Variants in COG4 observed in about 807,000 individuals in gnomAD.
COG4 encodes conserved oligomeric Golgi complex subunit 4.
In COG4, 65 loss-of-function variants were observed where a neutral mutation model predicts 95.1. The observed-to-expected ratio is 0.68, with a 90% CI of 0.56 to 0.84. The LOEUF is 0.84. Among genes scored for constraint, COG4 ranks in the 40% least tolerant of loss-of-function variants. COG4 has a pLI of 0.00. For synonymous variants in COG4, 421 were observed against 374.8 expected, an observed-to-expected ratio of 1.12 and a Z score of -1.42; for missense variants, 1,045 against 989.1, an observed-to-expected ratio of 1.06 and a Z score of -0.76.
At chr16:70,514,231 A>G (rs1244855790) in intron 4 of COG4, 104 bp downstream of exon 4, 12 of 1,139,382 alleles carry the variant, frequency 1.1e-5, no homozygotes, top group South Asian at 9.5e-5. Flanking sequence ...AAAAGAAAAA[A>G]GAAAACTTCC....
At chr16:70,518,633 C>T (rs911579100) in intron 2 of COG4, among the ~76,000 whole-genome samples, 4 of 152,090 alleles carry the variant, frequency 2.6e-5, no homozygotes, top group Admixed American at 6.6e-5. Flanking sequence ...AGCCACTACA[C>T]GCAGCCAGGG....
intron 8 of COG4, among the ~76,000 whole-genome samples, chr16:70,503,595 C>CTT (rs67706790): frequency 8.0e-6 from 1 of 125,712 alleles, no homozygotes. Context: ...CCTACTTACT[C>CTT]TTTTTTTTTT....
Position 70,498,180 on chromosome 16 carries a change from A to G in COG4, c.1196-125T>C. The G allele has an allele frequency of 1.3e-5, 9 of 699,132 alleles. No homozygotes were observed. The South Asian group carries it at 1.4e-4, about 11-fold the overall frequency. The allele number at this position is 699,132 out of a possible 1,614,324, so 43.3% of individuals were successfully genotyped here. ...ATATGTACATATTTTACATCGTTACAATCATGATACAGATAGCAATTTTGA... is the reference window on the plus strand; with the variant it reads ...ATATGTACATATTTTACATCGTTACGATCATGATACAGATAGCAATTTTGA... On this transcript the variant is annotated intron_variant, in intron 9 of 18. Transcript: ENST00000323786.
Position 70,512,509 on chromosome 16 carries a change from A to G in COG4, c.545-77T>C, listed in dbSNP as rs1326496164. On this transcript the variant is annotated intron_variant, in intron 4 of 18. Coordinates refer to ENST00000323786, the MANE Select transcript of COG4 (RefSeq NM_015386.3). The stretch of plus-strand genomic sequence containing the variant: ...GGTCCATGCCACTTTGTGTAATACT[A>G]TTCATCCAGCAAATACGTATTAAGC... 3 of 1,202,996 alleles carry G rather than the reference A, an allele frequency of 2.5e-6. No individual in the cohort carries two copies. In the Admixed American group the frequency reaches 5.8e-5, roughly 23 times the overall value. 74.5% of individuals were successfully genotyped at this position (1,202,996 alleles called of 1,614,324 possible). A position where few individuals can be genotyped will look rare whatever the true frequency, so the allele number is the denominator to read the frequency against.
chr16:70,506,855 G>C (rs1301450073), intron 8 of COG4, among the ~76,000 whole-genome samples: 1 of 151,982 alleles, frequency 6.6e-6, no homozygotes, highest in East Asian at 1.9e-4. Context: ...GGGAAGGGAA[G>C]AGGAGAGTCA....
chr16:70,499,520 T>C (rs1352999621), intron 9 of COG4, among the ~76,000 whole-genome samples: 7 of 152,226 alleles, frequency 4.6e-5, no homozygotes, highest in Admixed American at 4.6e-4. Flanking sequence ...GAACCCTGCA[T>C]ATATTTGCCC....
chr16:70,517,633 A>T lies in COG4; in HGVS notation c.362T>A (p.Leu121Gln). Residue 121 changes from leucine (L) to glutamine (Q), a missense_variant, in exon 3 of 19, where the codon CTG (leucine) becomes CAG (glutamine). By Grantham distance (113) the Leu-to-Gln change is moderately radical. Coordinates refer to ENST00000323786, the MANE Select transcript of COG4 (RefSeq NM_015386.3). Reference sequence around the variant, plus strand: ...AAAAGCTTGATGTATTACCTTGGCCAGGTCAAGCTGACGAACTTTGCTGGA... The same window carrying T: ...AAAAGCTTGATGTATTACCTTGGCCTGGTCAAGCTGACGAACTTTGCTGGA... ...NVSSKVRQLD[L>Q]AKNRLYQAIQ... 1 of 1,332,660 alleles carries T rather than the reference A, an allele frequency of 7.5e-7. No individual in the cohort carries two copies. Among genetic ancestry groups the T allele is most frequent in the Non-Finnish European group, 1.1e-6 (1 of 937,948 alleles). The allele number at this position is 1,332,660 out of a possible 1,614,324, so 82.6% of individuals were successfully genotyped here. A position where few individuals can be genotyped will look rare whatever the true frequency, so the allele number is the denominator to read the frequency against.
At chr16:70,520,904 A>T (rs2049928159) in intron 1 of COG4, among the ~76,000 whole-genome samples, 1 of 152,232 alleles carries the variant, frequency 6.6e-6, no homozygotes, top group Non-Finnish European at 1.5e-5. Flanking sequence ...GAAACCACAC[A>T]AAGTGCTTAA....
In COG4 at chr16:70,509,899, C is replaced by T. The variant is rs1038581375; in HGVS notation, c.844+17G>A. 1.1e-5 allele frequency: 18 copies of T among 1,579,810 alleles called. No individual in the cohort carries two copies. Among genetic ancestry groups the T allele is most frequent in the Admixed American group, 3.3e-5 (2 of 59,938 alleles). On this transcript the variant is annotated intron_variant, in intron 6 of 18. Transcript: ENST00000323786. ...TATACAGTCTCCAGTCTCTCTAGAG[C>T]GGAGAAAGAGGCTCACCTTCAAACA...
chr16:70,513,174 G>A (rs2049747799), intron 4 of COG4, among the ~76,000 whole-genome samples: 2 of 152,330 alleles, frequency 1.3e-5, no homozygotes, highest in South Asian at 4.1e-4. Context: ...AGTATTCCAA[G>A]TAGCATATTC....
Position 70,481,796 on chromosome 16 carries a change from C to T in COG4, c.2074G>A (p.Glu692Lys), listed in dbSNP as rs1009301473. The stretch of plus-strand genomic sequence containing the variant: ...AAGGTGGATTTCAGCACCACTTTCT[C>T]CAACTCGACGGCAACAAGGCTAGTC... ...LMTSLVAVELEKVVLKSTFNR... is the reference protein window; with the variant it reads ...LMTSLVAVELKKVVLKSTFNR... Residue 692 changes from glutamate (E) to lysine (K), a missense_variant, in exon 17 of 19, where the codon GAG becomes AAG. Physicochemically the swap from Glu to Lys is moderately conservative, Grantham distance 56 (BLOSUM62 1). Transcript: ENST00000323786. 2.5e-6 allele frequency: 4 copies of T among 1,614,100 alleles called. No individual in the cohort carries two copies. In the East Asian group the frequency reaches 6.7e-5, roughly 27 times the overall value.
Position 70,512,275 on chromosome 16 carries a change from C to T in COG4, c.702G>A (p.Glu234=), listed in dbSNP as rs2049722428. 3.7e-6 allele frequency: 6 copies of T among 1,614,184 alleles called. No homozygotes were observed. The highest frequency in any genetic ancestry group is 4.2e-6 in the Non-Finnish European group (5 of 1,180,030). Residue 234 remains glutamate, a synonymous_variant, in exon 5 of 19, where the codon GAG becomes GAA. Transcript: ENST00000323786. ...GGTACTCCGAGAACTTTCTTAATCC[C>T]TCCTCATGCAAACCCAGCAGTGGGA... ...KIFPLLGLHE[E]GLRKFSEYLC... is the part of the protein sequence containing the mutation.
intron 14 of COG4, among the ~76,000 whole-genome samples, chr16:70,483,032 C>T (rs1340533568): frequency 6.2e-5 from 7 of 113,104 alleles, no homozygotes; most frequent in Non-Finnish European, 1.1e-4. Flanking sequence ...CTCTCCCCAC[C>T]CCTTCCCTCT....
At chr16:70,507,406 G>A (rs1004177436) in intron 8 of COG4, among the ~76,000 whole-genome samples, 14 of 151,988 alleles carry the variant, frequency 9.2e-5, no homozygotes, top group East Asian at 7.7e-4. Flanking sequence ...ACTTACCATC[G>A]TGTTATAATT....
intron 13 of COG4, among the ~76,000 whole-genome samples, chr16:70,484,436 T>C (rs2049086119): frequency 6.6e-6 from 1 of 152,202 alleles, no homozygotes; most frequent in Non-Finnish European, 1.5e-5. Flanking sequence ...TCCCCCCCTT[T>C]TATATTTATT....
rs778056787 is a variant in COG4, at chr16:70,508,550, C to G, written c.1003-86G>C. On this transcript the variant is annotated intron_variant, in intron 7 of 18. Transcript: ENST00000323786. ...CTGGTCACTCCAAACTTTTGGCATA[C>G]AAGAACATTTAGATTTAGTTTGTTT... 5 of 1,169,224 alleles carry G rather than the reference C, an allele frequency of 4.3e-6. No individual in the cohort carries two copies. In the South Asian group the frequency reaches 6.1e-5, roughly 14 times the overall value. 72.4% of individuals were successfully genotyped at this position (1,169,224 alleles called of 1,614,324 possible).
Position 70,490,365 on chromosome 16 carries a change from T to A in COG4, c.1675A>T (p.Ser559Cys). 1 of 1,613,948 alleles carries A rather than the reference T, an allele frequency of 6.2e-7. No homozygotes were observed. The highest frequency in any genetic ancestry group is 1.1e-5 in the South Asian group (1 of 91,082). ...LVTLNNVEVC[S>C]ENISTLKKTL... Reference sequence around the variant, plus strand: ...TTCTTCAGAGTGGAGATGTTTTCACTGCAGACTTCCACGTTGTTCAGAGTC... The same window carrying A: ...TTCTTCAGAGTGGAGATGTTTTCACAGCAGACTTCCACGTTGTTCAGAGTC... Residue 559 changes from serine (S) to cysteine (C), a missense_variant, in exon 13 of 19, where the codon AGT becomes TGT. Coordinates refer to ENST00000323786, the MANE Select transcript of COG4 (RefSeq NM_015386.3).
chr16:70,484,598 T>C (rs1248802424), intron 13 of COG4, among the ~76,000 whole-genome samples: 1 of 152,226 alleles, frequency 6.6e-6, no homozygotes, highest in Non-Finnish European at 1.5e-5. Flanking sequence ...TTCTAAGCAT[T>C]TCACTTTTAT....
At chr16:70,508,265 T>C in intron 8 of COG4, 141 bp downstream of exon 8, 2 of 761,916 alleles carry the variant, frequency 2.6e-6, no homozygotes, top group East Asian at 2.7e-5. Context: ...TTTGTTCATA[T>C]GATACATTGC....
Sources: allele counts gnomAD v4.1 joint callset (sites outside exome capture counted in the v4.1 genomes callset), GRCh38; gene constraint gnomAD v4.1.1; transcripts MANE v1.5; gene names NCBI Gene and HGNC (gene_info 2026-07-23, HGNC 2026-07-21).